CAPN11: variants seen among roughly 807,000 people sequenced by gnomAD.
CAPN11 encodes calpain 11, also known as calpain-11.
Under a neutral mutation model 105.3 loss-of-function variants are expected in CAPN11, and 108 were observed. The ratio of observed to expected loss-of-function variants is 1.03; its 90% confidence interval spans 0.88 to 1.20. The LOEUF (loss-of-function observed/expected upper bound fraction) is 1.20, where lower values mean the gene tolerates loss of function less well. Among genes scored for constraint, CAPN11 ranks in the 50% most tolerant of loss-of-function variants. The pLI is 0.00. For missense variants in CAPN11, 883 were observed against 924.8 expected (o/e 0.95, Z 0.59); for synonymous variants, 329 against 344.5 (o/e 0.96, Z 0.50).
chr6:44,176,016 TCCTCCATGCCCTCCATGC>T, intron 7 of CAPN11, 34 bp from the exon 8 acceptor site: 1 of 1,282,490 alleles, frequency 7.8e-7, no homozygotes, highest in Non-Finnish European at 1.1e-6. Flanking sequence ...CCAGTCCAGG[TCCTCCATGCCCTCCATGC>T]CCTCCATGCT....
In CAPN11 at chr6:44,181,328, G is replaced by A. The variant is rs1251431499; in HGVS notation, c.1938+8G>A. 1 of 1,612,506 alleles carries A rather than the reference G, an allele frequency of 6.2e-7. No individual in the cohort carries two copies. ...AAACTCAAGAAATGGATGGTAAAGG[G>A]CACTAAAGGGGCAGCCTCCAGGGGT... On this transcript the variant is annotated splice_region_variant and intron_variant, in intron 19 of 22. Coordinates refer to ENST00000398776, the MANE Select transcript of CAPN11 (RefSeq NM_007058.4).
Position 44,180,168 on chromosome 6 carries a change from G to A in CAPN11, c.1640+5G>A, listed in dbSNP as rs570870524. On this transcript the variant is annotated splice_donor_5th_base_variant and intron_variant, in intron 14 of 22. Transcript: ENST00000398776. Reference sequence around the variant, plus strand: ...CGAGAAGCACAGCGAGTCATGGTAAGGGGCTGCAGCTCACTGCTCCAAGGC... The same window carrying A: ...CGAGAAGCACAGCGAGTCATGGTAAAGGGCTGCAGCTCACTGCTCCAAGGC... The A allele has an allele frequency of 2.5e-6, 4 of 1,603,534 alleles. No individual in the cohort carries two copies. In the African/African-American group the frequency reaches 5.4e-5, roughly 21 times the overall value.
At position 44,170,027 on chromosome 6, in the gene CAPN11, G is replaced by A. The variant is rs1770696934; in HGVS notation, c.409+52G>A. ...CCACCTGGGCAAGAGGATTGGGGGAGGGGTGCCAGGGTGTCTTTTGAAGCT... is the reference window on the plus strand; with the variant it reads ...CCACCTGGGCAAGAGGATTGGGGGAAGGGTGCCAGGGTGTCTTTTGAAGCT... On this transcript the variant is annotated intron_variant, in intron 4 of 22. Transcript: ENST00000398776. The A allele has an allele frequency of 1.8e-5, 26 of 1,405,478 alleles. No homozygotes were observed. In the South Asian group the frequency reaches 3.1e-4, roughly 17 times the overall value. The allele number at this position is 1,405,478 out of a possible 1,614,324, so 87.1% of individuals were successfully genotyped here.
At chr6:44,175,498 G>T (rs545567678) in intron 7 of CAPN11, among the ~76,000 whole-genome samples, 2 of 151,592 alleles carry the variant, frequency 1.3e-5, no homozygotes, top group Non-Finnish European at 2.9e-5. Flanking sequence ...TAATAAAGCC[G>T]GGTGCGGTGG....
intron 3 of CAPN11, 92 bp from the exon 4 acceptor site, chr6:44,169,814 C>G: frequency 9.6e-7 from 1 of 1,042,028 alleles, no homozygotes. Flanking sequence ...TCCCCTGGAA[C>G]TTCAAGGTGG....
At position 44,173,219 on chromosome 6, in the gene CAPN11, C is replaced by T. The variant is rs768635315; in HGVS notation, c.664C>T (p.Leu222=). The stretch of plus-strand genomic sequence containing the variant: ...ACAGTGCCTTCTCTGTGCCCACAGG[C>T]TGAGTGGGTCCTATGAAGCATTGTC... The part of the protein sequence containing the change: ...SALLEKAYAK[L]SGSYEALSGG... The change falls in exon 7 of 23, where the codon CTG becomes TTG. Residue 222 remains leucine (L), a splice_region_variant and synonymous_variant. Coordinates refer to ENST00000398776, the MANE Select transcript of CAPN11 (RefSeq NM_007058.4). 15 of 1,613,734 alleles carry T rather than the reference C, an allele frequency of 9.3e-6. No homozygotes were observed. Among genetic ancestry groups the T allele is most frequent in the Non-Finnish European group, 1.1e-5 (13 of 1,179,814 alleles).
chr6:44,182,453 G>A (rs1392476587), intron 19 of CAPN11, among the ~76,000 whole-genome samples: 1 of 152,222 alleles, frequency 6.6e-6, no homozygotes, highest in Non-Finnish European at 1.5e-5. Flanking sequence ...AGAGCGCTGG[G>A]CAGGGCACCA....
chr6:44,162,398 CACA>C (rs1769031640), intron 1 of CAPN11, among the ~76,000 whole-genome samples: 1 of 150,032 alleles, frequency 6.7e-6, no homozygotes, highest in Non-Finnish European at 1.5e-5. Flanking sequence ...CACACACACA[CACA>C]CACACACACC....
intron 11 of CAPN11, 110 bp from the exon 12 acceptor site, chr6:44,177,132 C>A (rs937584554): frequency 6.2e-6 from 9 of 1,457,690 alleles, no homozygotes; most frequent in Non-Finnish European, 8.4e-6. Context: ...GATTTCACAG[C>A]CCCTGTGGAG....
In CAPN11 at chr6:44,183,114, C is replaced by G; in HGVS notation, c.2018-5C>G. 6.2e-7 allele frequency: 1 copy of G among 1,609,254 alleles called. No homozygotes were observed. The highest frequency in any genetic ancestry group is 1.1e-5 in the South Asian group (1 of 90,988). ...CCCCTCCCCACTTCTCTCTCCCTCTCTCAGGCATCAAGCTGAACAACAAGG... is the reference window on the plus strand; with the variant it reads ...CCCCTCCCCACTTCTCTCTCCCTCTGTCAGGCATCAAGCTGAACAACAAGG... On this transcript the variant is annotated splice_polypyrimidine_tract_variant and splice_region_variant and intron_variant, in intron 20 of 22. Transcript: ENST00000398776.
At position 44,173,043 on chromosome 6, in the gene CAPN11, G is replaced by T; in HGVS notation, c.632G>T (p.Trp211Leu). Reference sequence around the variant, plus strand: ...CACTCAACCGAACGCAGTGAGTTCTGGAGTGCCCTGCTGGAGAAGGCGTAT... The same window carrying T: ...CACTCAACCGAACGCAGTGAGTTCTTGAGTGCCCTGCTGGAGAAGGCGTAT... ...FVHSTERSEF[W>L]SALLEKAYAK... Residue 211 changes from tryptophan to leucine, a missense_variant, in exon 6 of 23, where the codon TGG becomes TTG. By Grantham distance (61) the Trp-to-Leu change is moderately conservative. Coordinates refer to ENST00000398776, the MANE Select transcript of CAPN11 (RefSeq NM_007058.4). 1 of 1,613,538 alleles carries T rather than the reference G, an allele frequency of 6.2e-7. No homozygotes were observed. The highest frequency in any genetic ancestry group is 2.2e-5 in the East Asian group (1 of 44,864).
chr6:44,175,498 G>A (rs545567678), intron 7 of CAPN11, among the ~76,000 whole-genome samples: 2 of 151,470 alleles, frequency 1.3e-5, no homozygotes, highest in Admixed American at 1.3e-4. Context: ...TAATAAAGCC[G>A]GGTGCGGTGG....
chr6:44,163,200 C>T (rs910406410), intron 1 of CAPN11, among the ~76,000 whole-genome samples: 3 of 152,202 alleles, frequency 2.0e-5, no homozygotes, highest in Admixed American at 2.0e-4. Context: ...TCAGGGAGGT[C>T]AAACAACTTG....
chr6:44,181,205 G>A, intron 18 of CAPN11, 47 bp from the exon 19 acceptor site: 1 of 1,566,660 alleles, frequency 6.4e-7, no homozygotes, highest in Non-Finnish European at 8.8e-7. Context: ...CCTATCCCCT[G>A]GGATGCCTTC....
At chr6:44,165,219 CTG>C (rs1769594277) in intron 1 of CAPN11, among the ~76,000 whole-genome samples, 2 of 152,178 alleles carry the variant, frequency 1.3e-5, no homozygotes, top group African/African-American at 2.4e-5. Flanking sequence ...TCAGCTAACA[CTG>C]TGGAGAACTA....
In CAPN11 at chr6:44,183,751, G is replaced by A. The variant is rs754703591; in HGVS notation, c.2181G>A (p.Leu727=). The change falls in exon 22 of 23, where the codon TTG becomes TTA. Residue 727 remains leucine (L), a synonymous_variant. Transcript: ENST00000398776. ...CCAAGAATACTGGCCATATTTGCTT[G>A]AGCCTGGAACAGGTACTTGGAGAAG... is the stretch of plus-strand genomic sequence containing the variant. ...MDPKNTGHIC[L]SLEQWLQMTM... 6.2e-7 allele frequency: 1 copy of A among 1,613,850 alleles called. No individual in the cohort carries two copies. Among genetic ancestry groups the A allele is most frequent in the South Asian group, 1.1e-5 (1 of 91,058 alleles).
intron 5 of CAPN11, 101 bp from the exon 6 acceptor site, chr6:44,172,839 G>C: frequency 7.5e-7 from 1 of 1,331,680 alleles, no homozygotes; most frequent in Non-Finnish European, 1.0e-6. Flanking sequence ...AGTGATTCTG[G>C]AGAGTGGAGC....
At chr6:44,167,497 CAAAAAAAAA>C (rs61107654) in intron 2 of CAPN11, among the ~76,000 whole-genome samples, 1 of 27,074 alleles carries the variant, frequency 3.7e-5, no homozygotes. Context: ...GACTCCATCT[CAAAAAAAAA>C]AAAAAAAAAA....
intron 14 of CAPN11, 70 bp from the exon 15 acceptor site, chr6:44,180,390 C>T: frequency 4.8e-6 from 7 of 1,450,528 alleles, no homozygotes; most frequent in Non-Finnish European, 6.8e-6. Flanking sequence ...ACATGACCCC[C>T]AGAGCACCCC....
Sources: allele counts gnomAD v4.1 joint callset (sites outside exome capture counted in the v4.1 genomes callset), GRCh38; gene constraint gnomAD v4.1.1; transcripts MANE v1.5; gene names NCBI Gene and HGNC (gene_info 2026-07-23, HGNC 2026-07-21).